CDC23: variants seen among roughly 807,000 people sequenced by gnomAD.
CDC23 encodes the protein cell division cycle protein 23 homolog.
In CDC23, 26 loss-of-function variants were observed where a neutral mutation model predicts 81.7. The observed-to-expected ratio is 0.32, with a 90% CI of 0.23 to 0.44. The LOEUF (loss-of-function observed/expected upper bound fraction) is 0.44. Ranked by LOEUF, CDC23 falls within the 20% of genes least tolerant of loss-of-function variation. The pLI, the probability that CDC23 is intolerant of heterozygous loss-of-function variation, is 1.00. For missense variants in CDC23, 519 were observed against 728.0 expected (o/e 0.71, Z 3.30); for synonymous variants, 267 against 270.8 (o/e 0.99, Z 0.14).
Position 138,213,266 on chromosome 5 carries a change from A to C in CDC23, c.47T>G (p.Val16Gly), listed in dbSNP as rs547282858. 6.2e-7 allele frequency: 1 copy of C among 1,613,932 alleles called. No homozygotes were observed. The highest frequency in any genetic ancestry group is 8.5e-7 in the Non-Finnish European group (1 of 1,180,018). The change falls in exon 1 of 16, where the codon GTG (valine) becomes GGG (glycine). Residue 16 changes from valine to glycine, a missense_variant. Physicochemically the swap from Val to Gly is moderately radical, Grantham distance 109. Around this residue, in one of 4 missense-constraint regions of CDC23, gnomAD observed 126 missense variants for 116.2 expected, o/e 1.08. Transcript: ENST00000394886. The part of the protein sequence containing the change: ...SMVPVAVTAA[V>G]APVLSINSDF... ...GCTGTTTATGGACAGGACAGGCGCCACTGCCGCCGTCACAGCCACCGGGAC... is the reference window on the plus strand; with the variant it reads ...GCTGTTTATGGACAGGACAGGCGCCCCTGCCGCCGTCACAGCCACCGGGAC...
chr5:138,211,988 C>G (rs963132133), intron 2 of CDC23, among the ~76,000 whole-genome samples: 2 of 152,154 alleles, frequency 1.3e-5, no homozygotes, highest in African/African-American at 4.8e-5. Context: ...CTTGAAAATG[C>G]AGCAATTATT....
chr5:138,202,134 C>T lies in CDC23; in HGVS notation c.394G>A (p.Asp132Asn), dbSNP rs372131469. Reference sequence around the variant, plus strand: ...GTACCTAAGCTATCAACTGTTTCATCGTCCTTCTTTTTTTCTCCAGACTGT... The same window carrying T: ...GTACCTAAGCTATCAACTGTTTCATTGTCCTTCTTTTTTTCTCCAGACTGT... Reference protein sequence around the residue: ...RYLSGEKKKDDETVDSLGPLE... With the variant: ...RYLSGEKKKDNETVDSLGPLE... Residue 132 changes from aspartate (D) to asparagine (N), a missense_variant, in exon 4 of 16, where the codon GAT becomes AAT. Coordinates refer to ENST00000394886, the MANE Select transcript of CDC23 (RefSeq NM_004661.4). 17 of 1,611,482 alleles carry T rather than the reference C, an allele frequency of 1.1e-5. No homozygotes were observed. Among genetic ancestry groups the T allele is most frequent in the African/African-American group, 2.7e-5 (2 of 74,772 alleles).
chr5:138,203,422 A>G (rs1755012182), intron 3 of CDC23, among the ~76,000 whole-genome samples: 1 of 152,188 alleles, frequency 6.6e-6, no homozygotes, highest in Non-Finnish European at 1.5e-5. Flanking sequence ...TGCTCTAAAA[A>G]ATACTCTATT....
chr5:138,197,337 AT>A (rs1754925631), intron 9 of CDC23, among the ~76,000 whole-genome samples: 1 of 149,752 alleles, frequency 6.7e-6, no homozygotes, highest in Non-Finnish European at 1.5e-5. Context: ...CATCTATAAA[AT>A]GCTAGTCATC....
At position 138,189,912 on chromosome 5, in the gene CDC23, A is replaced by G. The variant is rs766649971; in HGVS notation, c.1425-6T>C. 4 of 1,613,442 alleles carry G rather than the reference A, an allele frequency of 2.5e-6. No homozygotes were observed. The highest frequency in any genetic ancestry group is 1.7e-4 in the Middle Eastern group (1 of 6,060). On this transcript the variant is annotated splice_polypyrimidine_tract_variant and splice_region_variant and intron_variant, in intron 13 of 15. Coordinates refer to ENST00000394886, the MANE Select transcript of CDC23 (RefSeq NM_004661.4). ...CAGTCAACTGTTCATGAAGCCTACA[A>G]AAGAAACTGATCTTTAAATACCAAT...
intron 3 of CDC23, chr5:138,206,316 GTAAA>G (rs1464435072): frequency 7.1e-6 from 4 of 563,978 alleles, no homozygotes; most frequent in South Asian, 5.1e-5. Flanking sequence ...ATAACCTAAA[GTAAA>G]TAAATAATCA....
intron 13 of CDC23, among the ~76,000 whole-genome samples, 190 bp downstream of exon 13, chr5:138,191,284 C>T (rs956221693): frequency 6.6e-6 from 1 of 152,176 alleles, no homozygotes; most frequent in African/African-American, 2.4e-5. Context: ...GCATGAGCCA[C>T]TGCACCTGGC....
rs556446774 is a variant in CDC23, at chr5:138,201,064, G to C, written c.654+43C>G. ...CCTATATTACTACAGAATTACAAAA[G>C]GCTTGAAGCAGAGGGTTTTTCACAT... On this transcript the variant is annotated intron_variant, in intron 6 of 15. Transcript: ENST00000394886. The C allele has an allele frequency of 1.6e-4, 261 of 1,601,528 alleles. 3 individuals carry two copies. In the South Asian group the frequency reaches 2.7e-3, roughly 17 times the overall value.
intron 9 of CDC23, among the ~76,000 whole-genome samples, chr5:138,194,838 C>T (rs1258524065): frequency 6.6e-6 from 1 of 151,014 alleles, no homozygotes; most frequent in African/African-American, 2.4e-5. Flanking sequence ...TCTCCTGCCT[C>T]AGTCTCCTGA....
intron 13 of CDC23, 147 bp from the exon 14 acceptor site, chr5:138,190,053 T>A (rs1754809070): frequency 3.1e-6 from 2 of 647,034 alleles, no homozygotes; most frequent in East Asian, 5.4e-5. Context: ...TAGAATAGTA[T>A]TAGATGTGAT....
At chr5:138,199,791 G>A (rs1581487164) in intron 6 of CDC23, among the ~76,000 whole-genome samples, 1 of 152,282 alleles carries the variant, frequency 6.6e-6, no homozygotes, top group South Asian at 2.1e-4. Flanking sequence ...TGAATCCAGA[G>A]ATTGTTTAAC....
At chr5:138,211,756 A>C (rs1755115875) in intron 2 of CDC23, among the ~76,000 whole-genome samples, 1 of 152,196 alleles carries the variant, frequency 6.6e-6, no homozygotes, top group Non-Finnish European at 1.5e-5. Flanking sequence ...CCTCAGAATC[A>C]CACAATATAT....
chr5:138,209,918 C>T (rs1449254620), intron 2 of CDC23, among the ~76,000 whole-genome samples: 1 of 151,510 alleles, frequency 6.6e-6, no homozygotes, highest in African/African-American at 2.4e-5. Flanking sequence ...CTTTAAATAT[C>T]ACAGTTATGG....
intron 2 of CDC23, 44 bp downstream of exon 2, chr5:138,212,947 A>G (rs779066376): frequency 9.7e-6 from 15 of 1,539,704 alleles, no homozygotes; most frequent in South Asian, 2.2e-5. Flanking sequence ...CTTGAGGCAC[A>G]CCCCTGGGTT....
intron 9 of CDC23, among the ~76,000 whole-genome samples, chr5:138,195,740 T>TATATATGTATATATATACATATA (rs1754891702): frequency 8.5e-6 from 1 of 118,242 alleles, no homozygotes; most frequent in African/African-American, 3.2e-5. Context: ...ATACATATAA[T>TATATATGTATATATATACATATA]ATATATGTAT....
At chr5:138,201,297 T>G (rs1354268389) in intron 5 of CDC23, 46 bp downstream of exon 5, 13 of 1,613,332 alleles carry the variant, frequency 8.1e-6, no homozygotes, top group African/African-American at 1.3e-5. Context: ...TGCTTTCTAC[T>G]CAGGAGAATA....
intron 9 of CDC23, 26 bp downstream of exon 9, chr5:138,198,173 A>C: frequency 6.6e-7 from 1 of 1,508,012 alleles, no homozygotes; most frequent in South Asian, 1.2e-5. Context: ...ATAAATCTTA[A>C]AAGAAAAAAT....
chr5:138,198,900 C>T, intron 6 of CDC23, 118 bp from the exon 7 acceptor site: 1 of 1,005,784 alleles, frequency 9.9e-7, no homozygotes, highest in Non-Finnish European at 1.4e-6. Context: ...ATTAGAACAC[C>T]TAGTAATGAA....
intron 3 of CDC23, among the ~76,000 whole-genome samples, chr5:138,202,557 T>G (rs1755001163): frequency 6.6e-6 from 1 of 152,230 alleles, no homozygotes; most frequent in African/African-American, 2.4e-5. Context: ...GTGTTGGGAT[T>G]ACAGGCGTGA....
Sources: gnomAD v4.1 joint callset for allele counts (sites outside exome capture counted in the v4.1 genomes callset) on GRCh38, gnomAD v4.1.1 for gene constraint, gnomAD v4.1.1 regional missense constraint, MANE v1.5 for transcripts, NCBI Gene and HGNC (gene_info 2026-07-23, HGNC 2026-07-21) for gene names.